Variants in SLC25A27 observed in about 807,000 individuals in gnomAD.
SLC25A27 encodes the protein solute carrier family 25 member 27.
SLC25A27 carries 35 observed loss-of-function variants against 49.1 expected under a neutral mutation model. That is an observed-to-expected ratio of 0.71 (90% confidence interval 0.54 to 0.95). The LOEUF is 0.95. Ranked by LOEUF, SLC25A27 falls within the 40% of genes least tolerant of loss-of-function variation. The pLI is 0.00. For missense variants in SLC25A27, 339 were observed against 397.1 expected (o/e 0.85, Z 1.24); for synonymous variants, 144 against 136.9 (o/e 1.05, Z -0.36).
intron 5 of SLC25A27, among the ~76,000 whole-genome samples, chr6:46,668,272 A>G (rs918826136): frequency 6.6e-6 from 1 of 152,202 alleles, no homozygotes; most frequent in Admixed American, 6.5e-5. Flanking sequence ...CAGGAGGCGG[A>G]GGTTGCAGTG....
At chr6:46,672,954 T>C (rs1763611901) in intron 8 of SLC25A27, among the ~76,000 whole-genome samples, 1 of 152,216 alleles carries the variant, frequency 6.6e-6, no homozygotes, top group Admixed American at 6.5e-5. Context: ...GATAAAAGTA[T>C]ACCAGAGTTT....
chr6:46,656,085 C>G (rs1762968759), intron 2 of SLC25A27, 51 bp downstream of exon 2: 1 of 1,465,198 alleles, frequency 6.8e-7, no homozygotes, highest in Admixed American at 2.2e-5. Context: ...CTGTGTTTGT[C>G]TCCTGTGCTT....
chr6:46,662,251 G>T, intron 3 of SLC25A27, 125 bp from the exon 4 acceptor site: 1 of 764,158 alleles, frequency 1.3e-6, no homozygotes, highest in Non-Finnish European at 2.1e-6. Context: ...GACTTACTTG[G>T]GTATATCCTT....
At position 46,662,494 on chromosome 6, in the gene SLC25A27, T is replaced by C. The variant is rs1763192387; in HGVS notation, c.502T>C (p.Leu168=). 2.5e-6 allele frequency: 4 copies of C among 1,613,744 alleles called. No homozygotes were observed. The highest frequency in any genetic ancestry group is 3.4e-6 in the Non-Finnish European group (4 of 1,179,878). ...AAAAAGGAAACTGGAAGGAAAACCA[T>C]TGCGGTAAGTTCTCCAATTAACCAA... ...EGKRKLEGKP[L]RFRGVHHAFA... The change falls in exon 4 of 9, where the codon TTG becomes CTG. Residue 168 remains leucine (L), a synonymous_variant. Coordinates refer to ENST00000371347, the MANE Select transcript of SLC25A27 (RefSeq NM_004277.5).
intron 7 of SLC25A27, 36 bp from the exon 8 acceptor site, chr6:46,671,090 C>T: frequency 7.4e-7 from 1 of 1,347,304 alleles, no homozygotes; most frequent in Non-Finnish European, 1.0e-6. Context: ...TTTTTTTACA[C>T]AGAAAAAAAT....
intron 8 of SLC25A27, among the ~76,000 whole-genome samples, chr6:46,674,677 G>A (rs554562674): frequency 6.6e-4 from 101 of 152,204 alleles, no homozygotes; most frequent in Non-Finnish European, 1.2e-3. Context: ...GGCCACAATA[G>A]TTGGCTCATT....
intron 3 of SLC25A27, 43 bp from the exon 4 acceptor site, chr6:46,662,333 G>T (rs759943878): frequency 6.2e-7 from 1 of 1,600,024 alleles, no homozygotes; most frequent in Non-Finnish European, 8.6e-7. Context: ...TAAAATTCGT[G>T]AAATTAATGG....
intron 3 of SLC25A27, among the ~76,000 whole-genome samples, chr6:46,660,224 C>CTGTGTGTGTGTG (rs1293267506): frequency 2.2e-4 from 5 of 22,920 alleles, no homozygotes; most frequent in South Asian, 4.3e-3. Flanking sequence ...TTCTTCACCT[C>CTGTGTGTGTGTG]TGTGTCTGTG....
At chr6:46,657,525 A>T (rs572822697) in intron 2 of SLC25A27, among the ~76,000 whole-genome samples, 14 of 152,238 alleles carry the variant, frequency 9.2e-5, no homozygotes, top group African/African-American at 2.9e-4. Context: ...TATGGCAAAA[A>T]TGTTAGCAGT....
At chr6:46,668,618 G>C (rs1283077954) in intron 5 of SLC25A27, 91 bp from the exon 6 acceptor site, 10 of 741,948 alleles carry the variant, frequency 1.3e-5, no homozygotes, top group Admixed American at 7.7e-5. Flanking sequence ...CTTTCATCCT[G>C]GTACACATTC....
intron 8 of SLC25A27, among the ~76,000 whole-genome samples, chr6:46,675,788 T>C (rs1449150674): frequency 6.6e-6 from 1 of 152,186 alleles, no homozygotes; most frequent in Admixed American, 6.6e-5. Context: ...TAGCCATACC[T>C]TCATTCAAGT....
chr6:46,653,086 G>C lies in SLC25A27; in HGVS notation c.-107G>C, dbSNP rs916077847. 22 of 1,048,142 alleles carry C rather than the reference G, an allele frequency of 2.1e-5. No individual in the cohort carries two copies. Among genetic ancestry groups the C allele is most frequent in the Non-Finnish European group, 3.0e-5 (21 of 699,310 alleles). 64.9% of individuals were successfully genotyped at this position (1,048,142 alleles called of 1,614,324 possible). A position where few individuals can be genotyped will look rare whatever the true frequency, so the allele number is the denominator to read the frequency against. ...GAACGAGGGAAATGGTCCTCACCCGGCCACTCGCCGGTTGAAAAGGGGCCG... is the reference window on the plus strand; with the variant it reads ...GAACGAGGGAAATGGTCCTCACCCGCCCACTCGCCGGTTGAAAAGGGGCCG... On this transcript the variant is annotated 5_prime_UTR_variant, in exon 1 of 9. Coordinates refer to ENST00000371347, the MANE Select transcript of SLC25A27 (RefSeq NM_004277.5).
intron 1 of SLC25A27, chr6:46,654,097 A>G: frequency 1.0e-6 from 1 of 985,260 alleles, no homozygotes; most frequent in Non-Finnish European, 1.2e-6. Flanking sequence ...TGGAATGATG[A>G]TGCCCTTGAA....
At chr6:46,654,582 TG>T (rs1403307428) in intron 1 of SLC25A27, among the ~76,000 whole-genome samples, 1 of 152,136 alleles carries the variant, frequency 6.6e-6, no homozygotes, top group African/African-American at 2.4e-5. Flanking sequence ...GGAGAATGGA[TG>T]GGAATCAAAA....
chr6:46,670,098 C>T lies in SLC25A27; in HGVS notation c.705-37C>T, dbSNP rs763920379. 2.6e-5 allele frequency: 36 copies of T among 1,371,260 alleles called. No homozygotes were observed. In the East Asian group the frequency reaches 8.4e-4, roughly 32 times the overall value. The allele number at this position is 1,371,260 out of a possible 1,614,324, so 84.9% of individuals were successfully genotyped here. ...CCCTTTCCTAAGCTACAAACTACTA[C>T]ATACCATCTTTCAATTTCATTTATT... On this transcript the variant is annotated intron_variant, in intron 6 of 8. Coordinates refer to ENST00000371347, the MANE Select transcript of SLC25A27 (RefSeq NM_004277.5).
At position 46,670,353 on chromosome 6, in the gene SLC25A27, A is replaced by AT. The variant is rs571936197; in HGVS notation, c.797+134dup. ...TGTGTTTTTTGAGAAAATTGAGCGC[A>AT]TTTTTTTTATGCAATTACCTGCTCT... is the stretch of plus-strand genomic sequence containing the variant. On this transcript the variant is annotated intron_variant, in intron 7 of 8. Transcript: ENST00000371347. The AT allele has an allele frequency of 2.4e-3, 1,575 of 656,894 alleles. 9 individuals are homozygous for AT. The highest frequency in any genetic ancestry group is 0.018 in the Middle Eastern group (71 of 3,894). 40.7% of individuals were successfully genotyped at this position (656,894 alleles called of 1,614,324 possible).
At chr6:46,674,741 A>T (rs767122679) in intron 8 of SLC25A27, among the ~76,000 whole-genome samples, 9 of 152,166 alleles carry the variant, frequency 5.9e-5, no homozygotes, top group Non-Finnish European at 1.2e-4. Context: ...CCTCTGGCCA[A>T]TGTGTTTTTT....
chr6:46,675,165 A>C (rs549412208), intron 8 of SLC25A27, among the ~76,000 whole-genome samples: 1 of 152,118 alleles, frequency 6.6e-6, no homozygotes, highest in Admixed American at 6.6e-5. Context: ...GATCCCTTCT[A>C]CTGGGTAGAG....
At chr6:46,654,577 A>G (rs1762907341) in intron 1 of SLC25A27, among the ~76,000 whole-genome samples, 1 of 152,204 alleles carries the variant, frequency 6.6e-6, no homozygotes, top group African/African-American at 2.4e-5. Flanking sequence ...TGTGTGGAGA[A>G]TGGATGGGAA....
Sources: gnomAD v4.1 joint callset for allele counts (sites outside exome capture counted in the v4.1 genomes callset) on GRCh38, gnomAD v4.1.1 for gene constraint, MANE v1.5 for transcripts, NCBI Gene and HGNC (gene_info 2026-07-23, HGNC 2026-07-21) for gene names.